Variants in ZNF800 observed in about 807,000 individuals in gnomAD.
ZNF800 encodes zinc finger protein 800.
In ZNF800, 13 loss-of-function variants were observed where a neutral mutation model predicts 59.5. The ratio of observed to expected loss-of-function variants is 0.22; its 90% CI spans 0.14 to 0.35. The LOEUF is 0.35. Ranked by LOEUF, ZNF800 falls within the 10% of genes least tolerant of loss-of-function variation. ZNF800 has a pLI of 1.00. For missense variants in ZNF800, 621 were observed against 783.7 expected, an observed-to-expected ratio of 0.79 and a Z score of 2.48; for synonymous variants, 266 against 265.7, an observed-to-expected ratio of 1.00 and a Z score of -0.01.
At chr7:127,353,855 A>T in intron 1 of ZNF800, among the ~76,000 whole-genome samples, 1 of 152,278 alleles carries the variant, frequency 6.6e-6, no homozygotes. Flanking sequence ...CCAAAAAAAA[A>T]AACCCAGAAT....
At chr7:127,357,300 T>G in intron 1 of ZNF800, among the ~76,000 whole-genome samples, 1 of 152,114 alleles carries the variant, frequency 6.6e-6, no homozygotes, top group East Asian at 1.9e-4. Context: ...ACGCAGGATC[T>G]ACATTTCATT....
At chr7:127,344,340 A>G (rs1242409906), downstream of ZNF800, among the ~76,000 whole-genome samples, 2 of 152,122 alleles carry the variant, frequency 1.3e-5, no homozygotes, top group African/African-American at 2.4e-5. Context: ...AATATGCAAA[A>G]CATACAAAAT....
chr7:127,370,234 T>C lies in ZNF800; in HGVS notation c.*1580A>G, dbSNP rs1353827780. ...TAAAGAGAAATTATTACTCTATTTC[T>C]TAGAAATAAAACTATCAGAATATAA... On this transcript the variant is annotated 3_prime_UTR_variant, in exon 6 of 6. Coordinates refer to ENST00000265827, the MANE Select transcript of ZNF800 (RefSeq NM_176814.5). The C allele has an allele frequency of 6.6e-6, 1 of 152,236 alleles. No individual in the cohort carries two copies. 9.4% of individuals were successfully genotyped at this position (152,236 alleles called of 1,614,324 possible).
At chr7:127,379,936 A>T (rs979072443) in intron 3 of ZNF800, among the ~76,000 whole-genome samples, 1 of 146,398 alleles carries the variant, frequency 6.8e-6, no homozygotes, top group Non-Finnish European at 1.5e-5. Flanking sequence ...CAAGCAGTCC[A>T]GATTTCTTTC....
In ZNF800 at chr7:127,373,911, T is replaced by C; in HGVS notation, c.1425A>G (p.Pro475=). ...AAGGQQKTRK[P]KLSAGFDFKQ... ...TAAAGTCAAAGCCAGCTGAAAGTTT[T>C]GGTTTTCTGGTTTTTTGCTGGCCAC... The change falls in exon 5 of 6, where the codon CCA becomes CCG. Residue 475 remains proline (P), a synonymous_variant. Coordinates refer to ENST00000265827, the MANE Select transcript of ZNF800 (RefSeq NM_176814.5). 6.2e-7 allele frequency: 1 copy of C among 1,614,206 alleles called. No homozygotes were observed. The highest frequency in any genetic ancestry group is 1.7e-5 in the Admixed American group (1 of 60,014).
intron 1 of ZNF800, chr7:127,361,027 G>A (rs1157502936): frequency 6.6e-6 from 1 of 152,104 alleles, no homozygotes; most frequent in African/African-American, 2.4e-5. Context: ...AGGACACAAG[G>A]ACGGAAACAG....
At chr7:127,384,107 A>G (rs1294389115) in intron 3 of ZNF800, among the ~76,000 whole-genome samples, 1 of 151,994 alleles carries the variant, frequency 6.6e-6, no homozygotes, top group Non-Finnish European at 1.5e-5. Context: ...TTCTAAAATT[A>G]AAAAAGATTT....
chr7:127,355,459 T>C (rs1293883446), intron 1 of ZNF800, among the ~76,000 whole-genome samples: 2 of 151,870 alleles, frequency 1.3e-5, no homozygotes, highest in African/African-American at 4.8e-5. Flanking sequence ...ACACAAAGGA[T>C]AGAAGTGAAA....
At chr7:127,352,845 G>C (rs1800192132) in intron 1 of ZNF800, among the ~76,000 whole-genome samples, 1 of 152,178 alleles carries the variant, frequency 6.6e-6, no homozygotes, top group Non-Finnish European at 1.5e-5. Flanking sequence ...AGGGAGGCCA[G>C]CCTGCCCTCT....
chr7:127,363,754 A>G (rs933899717), intron 1 of ZNF800: 2 of 152,126 alleles, frequency 1.3e-5, no homozygotes, highest in Non-Finnish European at 2.9e-5. Context: ...GAGTAAGATA[A>G]CTGGTTTAGG....
Position 127,348,463 on chromosome 7 carries a change from C to T in ZNF800, n.225-420G>A, listed in dbSNP as rs1004078362. Among the ~76,000 whole-genome samples the T allele has an allele frequency of 1.2e-4, 18 of 150,104 alleles. No individual in the cohort carries two copies. The South Asian group carries it at 1.3e-3, about 10-fold the overall frequency. ...AAAAAAAAAATGGGAATGTCCTACA[C>T]CCAACAATAAGGTATTGGTTATAGT... On this transcript the variant is annotated intron_variant and non_coding_transcript_variant, in intron 1 of 1. Transcript: ENST00000485577.
chr7:127,344,485 G>A (rs1800022863), downstream of ZNF800, among the ~76,000 whole-genome samples: 1 of 151,848 alleles, frequency 6.6e-6, no homozygotes, highest in Non-Finnish European at 1.5e-5. Context: ...AAACAAAATG[G>A]CAATAGAATT....
downstream of ZNF800, among the ~76,000 whole-genome samples, chr7:127,369,580 T>C (rs1381274790): frequency 1.3e-5 from 2 of 152,152 alleles, no homozygotes; most frequent in Admixed American, 6.6e-5. Context: ...GGTTCTCTTA[T>C]ATATGCCATT....
chr7:127,366,526 A>G (rs1314185169), downstream of ZNF800, among the ~76,000 whole-genome samples: 2 of 152,160 alleles, frequency 1.3e-5, no homozygotes, highest in East Asian at 3.9e-4. Flanking sequence ...TAGAAAAGGA[A>G]ATGCAGATAC....
chr7:127,358,753 C>T (rs1212842379), intron 1 of ZNF800, among the ~76,000 whole-genome samples: 1 of 152,070 alleles, frequency 6.6e-6, no homozygotes, highest in Non-Finnish European at 1.5e-5. Context: ...ATAATGTATT[C>T]CTCTTCCATC....
chr7:127,349,739 T>C (rs190847147), intron 1 of ZNF800: 2 of 152,322 alleles, frequency 1.3e-5, no homozygotes, highest in African/African-American at 4.8e-5. Flanking sequence ...TGCTCCTGAA[T>C]AAAATGAAGG....
chr7:127,343,612 A>G (rs1800006343), downstream of ZNF800, among the ~76,000 whole-genome samples: 2 of 152,022 alleles, frequency 1.3e-5, no homozygotes, highest in Non-Finnish European at 2.9e-5. Flanking sequence ...ACCCCAAAGA[A>G]TAGGCAATTC....
intron 3 of ZNF800, among the ~76,000 whole-genome samples, chr7:127,378,867 A>T (rs1800869174): frequency 6.6e-6 from 1 of 152,142 alleles, no homozygotes; most frequent in Non-Finnish European, 1.5e-5. Context: ...GTGTGACCTT[A>T]AAAAGCTTTA....
At chr7:127,358,983 T>C (rs774195144) in intron 1 of ZNF800, among the ~76,000 whole-genome samples, 1 of 152,154 alleles carries the variant, frequency 6.6e-6, no homozygotes, top group Non-Finnish European at 1.5e-5. Context: ...AATCGTATTT[T>C]TAAATAATTT....
Sources: gnomAD v4.1 joint callset for allele counts (sites outside exome capture counted in the v4.1 genomes callset) on GRCh38, gnomAD v4.1.1 for gene constraint, MANE v1.5 for transcripts, NCBI Gene and HGNC (gene_info 2026-07-23, HGNC 2026-07-21) for gene names.